TCF4: variants seen among roughly 807,000 people sequenced by gnomAD.
TCF4 encodes transcription factor 4.
In TCF4, 3 loss-of-function variants were observed where a neutral mutation model predicts 82.1. That is an observed-to-expected ratio of 0.04 (90% CI 0.02 to 0.09). The LOEUF (loss-of-function observed/expected upper bound fraction) is 0.09. TCF4 is among the 10% of genes least tolerant of loss of function. TCF4 has a pLI of 1.00. For missense variants in TCF4, 518 were observed against 852.7 expected (o/e 0.61, Z 4.89); for synonymous variants, 276 against 309.6 (o/e 0.89, Z 1.14).
chr18:55,574,119 T>C (rs2097504195), intron 3 of TCF4, among the ~76,000 whole-genome samples: 1 of 152,172 alleles, frequency 6.6e-6, no homozygotes, highest in Non-Finnish European at 1.5e-5. Context: ...TGACACTAAA[T>C]TTCAGAGTAC....
chr18:55,396,445 G>T (rs78322266), intron 6 of TCF4, among the ~76,000 whole-genome samples: 3,321 of 152,258 alleles, frequency 0.022, 74 homozygotes, highest in Non-Finnish European at 0.027. Context: ...TGTCTGGATT[G>T]TGCAAGGACT....
chr18:55,430,337 G>A (rs1023181376), intron 5 of TCF4, among the ~76,000 whole-genome samples: 1 of 152,190 alleles, frequency 6.6e-6, no homozygotes, highest in African/African-American at 2.4e-5. Context: ...ATAAAAGGCT[G>A]TTCACCTTTT....
intron 2 of TCF4, among the ~76,000 whole-genome samples, chr18:55,605,192 A>G (rs1438334244): frequency 6.6e-6 from 1 of 152,194 alleles, no homozygotes; most frequent in African/African-American, 2.4e-5. Context: ...TGGCATTAGC[A>G]CAGCATGTGG....
At chr18:55,329,751 G>C (rs1055625747) in intron 8 of TCF4, among the ~76,000 whole-genome samples, 1 of 152,194 alleles carries the variant, frequency 6.6e-6, no homozygotes, top group Non-Finnish European at 1.5e-5. Context: ...CAATGCCAAA[G>C]GCCAAATTAT....
chr18:55,269,839 C>T lies in TCF4; in HGVS notation c.914G>A (p.Ser305Asn). The T allele has an allele frequency of 3.7e-6, 6 of 1,613,108 alleles. No homozygotes were observed. Among genetic ancestry groups the T allele is most frequent in the Non-Finnish European group, 5.1e-6 (6 of 1,179,340 alleles). The change falls in exon 11 of 20, where the codon AGT becomes AAT. Residue 305 changes from serine to asparagine, a missense_variant. Ser to Asn is a conservative substitution (Grantham distance 46, BLOSUM62 1). Coordinates refer to ENST00000354452, the MANE Select transcript of TCF4 (RefSeq NM_001083962.2). ...SCTPPANGTD[S>N]IMANRGSGAA... ...GCATTTCTGTGACTCACCCATTATACTGTCTGTCCCGTTGGCAGGAGGCGT... is the reference window on the plus strand; with the variant it reads ...GCATTTCTGTGACTCACCCATTATATTGTCTGTCCCGTTGGCAGGAGGCGT...
intron 3 of TCF4, among the ~76,000 whole-genome samples, chr18:55,542,736 T>C (rs1271610343): frequency 6.6e-6 from 1 of 152,016 alleles, no homozygotes; most frequent in East Asian, 1.9e-4. Context: ...AAATATATTT[T>C]CATACATTTA....
chr18:55,414,794 TA>T (rs2094470449), intron 5 of TCF4, among the ~76,000 whole-genome samples: 1 of 152,170 alleles, frequency 6.6e-6, no homozygotes, highest in East Asian at 1.9e-4. Flanking sequence ...TCATACTCTA[TA>T]AACAGCAACT....
intron 3 of TCF4, among the ~76,000 whole-genome samples, chr18:55,559,066 G>C (rs1214898430): frequency 1.4e-5 from 2 of 139,172 alleles, no homozygotes; most frequent in African/African-American, 2.7e-5. Flanking sequence ...AAATCAGTCT[G>C]ATCAAGGATC....
At chr18:55,504,399 T>A (rs1456844413) in intron 3 of TCF4, among the ~76,000 whole-genome samples, 1 of 152,214 alleles carries the variant, frequency 6.6e-6, no homozygotes, top group East Asian at 1.9e-4. Flanking sequence ...TAGGCTCTCC[T>A]ATGAAAATTA....
At chr18:55,248,603 T>C (rs1378823060) in intron 15 of TCF4, among the ~76,000 whole-genome samples, 2 of 152,232 alleles carry the variant, frequency 1.3e-5, no homozygotes, top group East Asian at 3.8e-4. Flanking sequence ...TTGGATTTCA[T>C]TAGTTAAGTC....
intron 6 of TCF4, among the ~76,000 whole-genome samples, chr18:55,399,868 TCTCTCTCTCTCTCA>T (rs2093702994): frequency 7.6e-6 from 1 of 130,850 alleles, no homozygotes. Context: ...TCTCTCTCTC[TCTCTCTCTCTCTCA>T]CACACACACA....
At chr18:55,360,145 T>C (rs180911625) in intron 6 of TCF4, among the ~76,000 whole-genome samples, 4 of 152,268 alleles carry the variant, frequency 2.6e-5, no homozygotes, top group Admixed American at 6.5e-5. Context: ...TGTGGGAACA[T>C]AGCATATGAA....
rs148821888 is a variant in TCF4, at chr18:55,341,303, T to C, written c.549+9056A>G. ...TTTCTTCACCTCTCTGTGTCTCATT[T>C]TTAAGTCTCTTGAATAAACAGTAGT... On this transcript the variant is annotated intron_variant, in intron 8 of 19. Transcript: ENST00000354452. Among the ~76,000 whole-genome samples, 11 of 152,314 alleles carry C rather than the reference T, an allele frequency of 7.2e-5. No homozygotes were observed. The East Asian group carries it at 2.1e-3, about 29-fold the overall frequency.
chr18:55,365,156 A>AATATATATATATAT lies in TCF4; in HGVS notation c.370-14167_370-14154dup, dbSNP rs139574594. On this transcript the variant is annotated intron_variant, in intron 6 of 19. Transcript: ENST00000354452. ...CAACAGTGTGAGACTCCATCTCCAAAATATATATATATATATATATATATA... is the reference window on the plus strand; with the variant it reads ...CAACAGTGTGAGACTCCATCTCCAAAATATATATATATATATATATATATATATATATATATATA... Among the ~76,000 whole-genome samples, 381 of 83,444 alleles carry AATATATATATATAT rather than the reference A, an allele frequency of 4.6e-3. 1 individual carries two copies. The highest frequency in any genetic ancestry group is 9.2e-3 in the East Asian group (28 of 3,050). 54.7% of individuals were successfully genotyped at this position (83,444 alleles called of 152,430 possible).
intron 15 of TCF4, among the ~76,000 whole-genome samples, chr18:55,241,520 C>A (rs748066140): frequency 1.1e-4 from 16 of 152,210 alleles, no homozygotes; most frequent in Non-Finnish European, 2.1e-4. Context: ...GAAAAGACAA[C>A]TGGACACTTG....
intron 6 of TCF4, among the ~76,000 whole-genome samples, chr18:55,397,840 C>A (rs560251417): frequency 2.6e-5 from 4 of 152,016 alleles, no homozygotes; most frequent in Non-Finnish European, 5.9e-5. Flanking sequence ...GGTTGGTTCA[C>A]TGAAAAATAT....
At chr18:55,588,389 A>C, upstream of TCF4, 31 of 1,527,762 alleles carry the variant, frequency 2.0e-5, no homozygotes, top group South Asian at 2.1e-4. Context: ...TCCCCCTCGC[A>C]CCCACCCCGA....
intron 2 of TCF4, among the ~76,000 whole-genome samples, chr18:55,602,997 A>G (rs974422202): frequency 6.6e-6 from 1 of 152,182 alleles, no homozygotes; most frequent in Non-Finnish European, 1.5e-5. Context: ...ATGCTTCCCC[A>G]TTCAATTCAA....
At chr18:55,430,310 G>C (rs533931541) in intron 5 of TCF4, among the ~76,000 whole-genome samples, 105 of 152,268 alleles carry the variant, frequency 6.9e-4, no homozygotes, top group African/African-American at 2.5e-3. Flanking sequence ...CTGAGTAAGT[G>C]GGGGGAAGCA....
Sources: gnomAD v4.1 joint callset for allele counts (sites outside exome capture counted in the v4.1 genomes callset) on GRCh38, gnomAD v4.1.1 for gene constraint, MANE v1.5 for transcripts, NCBI Gene and HGNC (gene_info 2026-07-23, HGNC 2026-07-21) for gene names.